Variants in MS4A18 observed in about 807,000 individuals in gnomAD.
The protein encoded by MS4A18 is membrane spanning 4-domains A18, also known as membrane-spanning 4-domains subfamily A member 18.
MS4A18 carries 27 observed loss-of-function variants against 13.1 expected under a neutral mutation model. That is an observed-to-expected ratio of 2.06 (90% CI 1.52 to 2.84). The LOEUF is 2.84. Among genes scored for constraint, MS4A18 ranks in the 30% most tolerant of loss-of-function variants. The probability of loss-of-function intolerance (pLI) is 0.00; values close to 1 mark genes in which losing one functional copy is unlikely to be tolerated. For synonymous variants in MS4A18, 126 were observed against 76.5 expected, an observed-to-expected ratio of 1.65 and a Z score of -3.38; for missense variants, 307 against 196.4, an observed-to-expected ratio of 1.56 and a Z score of -3.37.
upstream of MS4A18, among the ~76,000 whole-genome samples, chr11:60,728,138 T>C (rs1369708407): frequency 1.3e-5 from 2 of 152,214 alleles, no homozygotes; most frequent in African/African-American, 4.8e-5. Context: ...AAAGGGATGA[T>C]CATTCCCAGG....
At chr11:60,743,609 C>T in intron 5 of MS4A18, 41 bp from the exon 7 acceptor site, 1 of 690,648 alleles carries the variant, frequency 1.4e-6, no homozygotes, top group Non-Finnish European at 2.6e-6. Flanking sequence ...TTGTTGTTTA[C>T]TACAGAGGAA....
At chr11:60,741,602 G>A (rs1853415678) in intron 5 of MS4A18, among the ~76,000 whole-genome samples, 1 of 152,172 alleles carries the variant, frequency 6.6e-6, no homozygotes, top group Non-Finnish European at 1.5e-5. Flanking sequence ...GTCACAGTCA[G>A]TCACATGGCC....
exon 6 of MS4A18, chr11:60,744,181 CT>C (rs1026072838): frequency 5.6e-5 from 32 of 574,026 alleles, no homozygotes; most frequent in South Asian, 1.4e-4. Flanking sequence ...TTATTGATGT[CT>C]TTTTTTTCAT....
exon 1 of MS4A18, chr11:60,729,621 G>A: frequency 1.4e-6 from 1 of 702,738 alleles, no homozygotes; most frequent in South Asian, 1.5e-5. Flanking sequence ...AATACACACA[G>A]GGAACCACGA....
upstream of MS4A18, among the ~76,000 whole-genome samples, chr11:60,726,639 C>T (rs2134671034): frequency 6.6e-6 from 1 of 152,210 alleles, no homozygotes; most frequent in East Asian, 1.9e-4. Context: ...GCTATTAATA[C>T]TAAATCTAAT....
At chr11:60,733,441 G>A in intron 1 of MS4A18, 93 bp from the exon 3 acceptor site, 1 of 693,544 alleles carries the variant, frequency 1.4e-6, no homozygotes. Flanking sequence ...CACCCCTGGG[G>A]TGATTCTGGG....
rs115304856 is a variant in MS4A18, at chr11:60,743,887, A to G, written c.1096A>G (p.Thr366Ala). The change falls in exon 6 of 6, where the codon ACA becomes GCA. Residue 366 changes from threonine to alanine, a missense_variant. Transcript: ENST00000529108. ...TGCTAACATTGGCCCTGTCAATGTG[A>G]CAACTGGCCCCGTTAACACTACCAC... is the stretch of plus-strand genomic sequence containing the variant. The G allele has an allele frequency of 1.4e-3, 964 of 703,122 alleles. 6 individuals are homozygous for G. The African/African-American group carries it at 0.014, about 10-fold the overall frequency. 43.6% of individuals were successfully genotyped at this position (703,122 alleles called of 1,614,324 possible). A position where few individuals can be genotyped will look rare whatever the true frequency, so the allele number is the denominator to read the frequency against.
chr11:60,743,741 C>A (rs988283279), exon 6 of MS4A18: 1 of 702,582 alleles, frequency 1.4e-6, no homozygotes, highest in Non-Finnish European at 2.6e-6. Flanking sequence ...GTCAATGCTG[C>A]CACTGGCCCT....
chr11:60,742,239 CAT>C (rs1853422181), intron 5 of MS4A18, among the ~76,000 whole-genome samples: 3 of 152,170 alleles, frequency 2.0e-5, no homozygotes, highest in Admixed American at 1.3e-4. Context: ...CTCTCAGAAA[CAT>C]GTTTTCTTTT....
chr11:60,739,893 T>C (rs1565061784), intron 4 of MS4A18, among the ~76,000 whole-genome samples: 1 of 152,218 alleles, frequency 6.6e-6, no homozygotes, highest in Non-Finnish European at 1.5e-5. Flanking sequence ...CTCTTGGGAC[T>C]AACCAAGTGG....
intron 3 of MS4A18, 37 bp from the exon 5 acceptor site, chr11:60,738,865 A>C: frequency 1.4e-6 from 1 of 701,452 alleles, no homozygotes. Context: ...GACTCTTCAG[A>C]CTCGGCTCCC....
intron 2 of MS4A18, among the ~76,000 whole-genome samples, chr11:60,736,042 C>T (rs770157115): frequency 4.6e-5 from 7 of 152,096 alleles, no homozygotes; most frequent in South Asian, 2.1e-4. Context: ...TGTTTACAAA[C>T]GCATATACAT....
chr11:60,726,716 A>ACTTTT (rs1853166040), upstream of MS4A18, among the ~76,000 whole-genome samples: 1 of 96,156 alleles, frequency 1.0e-5, no homozygotes, highest in African/African-American at 4.0e-5. Context: ...TTGGGGTAAC[A>ACTTTT]CTTTTATTTT....
At chr11:60,724,818 GC>G (rs1422271755), upstream of MS4A18, among the ~76,000 whole-genome samples, 2 of 152,148 alleles carry the variant, frequency 1.3e-5, no homozygotes, top group Admixed American at 6.5e-5. Context: ...GAATTCTTCC[GC>G]AAGACTCTGA....
At chr11:60,743,154 A>G (rs1008973527) in intron 5 of MS4A18, among the ~76,000 whole-genome samples, 1 of 152,246 alleles carries the variant, frequency 6.6e-6, no homozygotes, top group Non-Finnish European at 1.5e-5. Context: ...TTCTACATCA[A>G]TTAGCTTTTG....
chr11:60,732,543 C>A (rs535932113), intron 1 of MS4A18, among the ~76,000 whole-genome samples: 43 of 151,966 alleles, frequency 2.8e-4, no homozygotes, highest in Middle Eastern at 3.4e-3. Context: ...TCCTGGCTAA[C>A]ATGGTAAACC....
rs1459867976 is a variant in MS4A18, at chr11:60,743,619, A to C, written c.859-31A>C. On this transcript the variant is annotated intron_variant, in intron 5 of 5. Coordinates refer to ENST00000529108, the Ensembl canonical transcript of MS4A18. ...CATTGTTGTTGTTTACTACAGAGGAAGATGACGACCACATGTCCTTTGTCT... is the reference window on the plus strand; with the variant it reads ...CATTGTTGTTGTTTACTACAGAGGACGATGACGACCACATGTCCTTTGTCT... 5 of 695,798 alleles carry C rather than the reference A, an allele frequency of 7.2e-6. No homozygotes were observed. In the East Asian group the frequency reaches 1.3e-4, roughly 19 times the overall value. 43.1% of individuals were successfully genotyped at this position (695,798 alleles called of 1,614,324 possible).
At chr11:60,730,124 C>A (rs1466747330) in intron 1 of MS4A18, among the ~76,000 whole-genome samples, 4 of 152,218 alleles carry the variant, frequency 2.6e-5, no homozygotes, top group Non-Finnish European at 5.9e-5. Flanking sequence ...AGGTCTCAGG[C>A]CAGCTAGATT....
intron 2 of MS4A18, 101 bp from the exon 4 acceptor site, chr11:60,736,877 T>C (rs1853347716): frequency 1.5e-6 from 1 of 660,124 alleles, no homozygotes; most frequent in Non-Finnish European, 2.7e-6. Context: ...ACAAGGTGCA[T>C]AGAACATAAA....
Sources: allele counts gnomAD v4.1 joint callset (sites outside exome capture counted in the v4.1 genomes callset), GRCh38; gene constraint gnomAD v4.1.1; transcripts MANE v1.5; gene names NCBI Gene and HGNC (gene_info 2026-07-23, HGNC 2026-07-21).